Variants in CCDC171 observed in about 807,000 individuals in gnomAD.
The protein encoded by CCDC171 is coiled-coil domain-containing protein 171.
In CCDC171, 177 loss-of-function variants were observed where a neutral mutation model predicts 168.2. The ratio of observed to expected loss-of-function variants is 1.05; its 90% CI spans 0.93 to 1.19. The LOEUF is 1.19. CCDC171 is among the 50% of genes most tolerant of loss of function. CCDC171 has a pLI of 0.00. For missense variants in CCDC171, 1,991 were observed against 1,539.0 expected (o/e 1.29, Z -4.91); for synonymous variants, 687 against 540.8 (o/e 1.27, Z -3.75).
At chr9:16,020,913 G>T (rs1199288391) in intron 4 of CCDC171, 2 of 152,220 alleles carry the variant, frequency 1.3e-5, no homozygotes, top group Non-Finnish European at 2.9e-5. Context: ...CTAAGAGGAG[G>T]CTACTGGAAA....
At position 15,571,726 on chromosome 9, in the gene CCDC171, A is replaced by G. The variant is rs1428174797; in HGVS notation, c.144A>G (p.Glu48=). ...AGAAACTCCATTGGGCTAAAAAAGA[A>G]AAGTTAGAAATAACAACCAAACACA... ...LRKKLHWAKK[E]KLEITTKHNA... is the part of the protein sequence containing the mutation. The change falls in exon 3 of 26, where the codon GAA becomes GAG. Residue 48 remains glutamate (E), a synonymous_variant. Coordinates refer to ENST00000380701, the MANE Select transcript of CCDC171 (RefSeq NM_173550.4). 1.3e-6 allele frequency: 2 copies of G among 1,591,276 alleles called. No individual in the cohort carries two copies. Among genetic ancestry groups the G allele is most frequent in the African/African-American group, 1.4e-5 (1 of 73,494 alleles).
chr9:15,780,588 A>G (rs1049524357), intron 20 of CCDC171, among the ~76,000 whole-genome samples: 1 of 152,072 alleles, frequency 6.6e-6, no homozygotes, highest in African/African-American at 2.4e-5. Flanking sequence ...CCCAAAACCA[A>G]TCACTGTTGA....
At chr9:15,669,620 T>TA (rs1418146851) in intron 9 of CCDC171, among the ~76,000 whole-genome samples, 1 of 152,140 alleles carries the variant, frequency 6.6e-6, no homozygotes, top group Non-Finnish European at 1.5e-5. Context: ...AATTTTCAAA[T>TA]ATAGTAAAGT....
intron 21 of CCDC171, among the ~76,000 whole-genome samples, chr9:15,800,582 T>G (rs1447151389): frequency 6.6e-6 from 1 of 152,092 alleles, no homozygotes; most frequent in Non-Finnish European, 1.5e-5. Flanking sequence ...CTTTGTTGAT[T>G]GTTTCTTTTG....
chr9:15,889,798 G>T (rs1321936746), intron 24 of CCDC171, among the ~76,000 whole-genome samples: 1 of 152,088 alleles, frequency 6.6e-6, no homozygotes, highest in Non-Finnish European at 1.5e-5. Context: ...CAGATTTTTT[G>T]AAGGATCTGG....
chr9:15,609,185 C>T (rs934031560), intron 6 of CCDC171, among the ~76,000 whole-genome samples: 45 of 151,516 alleles, frequency 3.0e-4, no homozygotes, highest in Admixed American at 7.9e-4. Flanking sequence ...CTGCAACCTC[C>T]GCCTCCCGGG....
intron 7 of CCDC171, among the ~76,000 whole-genome samples, chr9:15,638,925 G>T (rs1340911806): frequency 6.6e-6 from 1 of 151,866 alleles, no homozygotes; most frequent in African/African-American, 2.4e-5. Flanking sequence ...AACTCAATAA[G>T]AAAAGAGAAA....
chr9:15,847,204 G>A (rs955639709), intron 22 of CCDC171, among the ~76,000 whole-genome samples: 3 of 151,788 alleles, frequency 2.0e-5, no homozygotes, highest in Non-Finnish European at 2.9e-5. Flanking sequence ...CTGCTCCACT[G>A]TCTCCGAAAT....
intron 25 of CCDC171, chr9:15,922,105 C>T: frequency 2.9e-6 from 1 of 350,326 alleles, no homozygotes; most frequent in South Asian, 2.3e-5. Context: ...TTGAACATAT[C>T]TACAGGATAC....
intron 11 of CCDC171, among the ~76,000 whole-genome samples, chr9:15,699,858 C>A (rs2051559183): frequency 6.6e-6 from 1 of 152,176 alleles, no homozygotes; most frequent in African/African-American, 2.4e-5. Flanking sequence ...ACACAGGGTG[C>A]TGATTGGTGT....
At chr9:15,804,379 G>C (rs2058976659) in intron 21 of CCDC171, among the ~76,000 whole-genome samples, 1 of 151,634 alleles carries the variant, frequency 6.6e-6, no homozygotes, top group Non-Finnish European at 1.5e-5. Flanking sequence ...TATCATATAT[G>C]GTTCTCATTA....
intron 3 of CCDC171, among the ~76,000 whole-genome samples, chr9:16,015,890 T>C (rs1833001160): frequency 6.6e-6 from 1 of 152,244 alleles, no homozygotes; most frequent in South Asian, 2.1e-4. Context: ...ATGTCTGGCT[T>C]ATTTCACTTA....
At chr9:15,774,539 C>T (rs758724487) in intron 18 of CCDC171, among the ~76,000 whole-genome samples, 3 of 152,144 alleles carry the variant, frequency 2.0e-5, no homozygotes, top group Non-Finnish European at 4.4e-5. Flanking sequence ...CTATGGAAAA[C>T]AGTGTGGAGA....
At chr9:15,670,156 A>G (rs115598470) in intron 9 of CCDC171, among the ~76,000 whole-genome samples, 1,720 of 152,140 alleles carry the variant, frequency 0.011, 35 homozygotes, top group African/African-American at 0.039. Context: ...TTGGGAGTTT[A>G]GCAGCATGGT....
At chr9:16,011,248 C>G (rs1434943125) in intron 3 of CCDC171, among the ~76,000 whole-genome samples, 1 of 152,046 alleles carries the variant, frequency 6.6e-6, no homozygotes, top group African/African-American at 2.4e-5. Flanking sequence ...ACACTGGGCC[C>G]CTGGATGGAT....
At chr9:16,035,405 T>C (rs1833446469) in intron 6 of CCDC171, 2 of 152,142 alleles carry the variant, frequency 1.3e-5, no homozygotes, top group South Asian at 4.1e-4. Flanking sequence ...TTTTGTGGGG[T>C]GTGCTTTCTC....
intron 4 of CCDC171, among the ~76,000 whole-genome samples, chr9:15,590,532 T>C (rs1031909799): frequency 2.0e-5 from 3 of 152,170 alleles, no homozygotes; most frequent in Admixed American, 6.5e-5. Flanking sequence ...TAGGTGTTGG[T>C]TATTGTTGAG....
intron 6 of CCDC171, among the ~76,000 whole-genome samples, chr9:15,595,525 C>T (rs988298810): frequency 2.6e-5 from 4 of 152,170 alleles, no homozygotes; most frequent in African/African-American, 9.6e-5. Context: ...ATATGTGCTG[C>T]ATTTTCTTAA....
rs1281670548 is a variant in CCDC171 at position 15,819,103 on chromosome 9, A to T, written c.3268-27599A>T. Among the ~76,000 whole-genome samples, 25 of 117,098 alleles carry T rather than the reference A, an allele frequency of 2.1e-4. 9 individuals are homozygous for T. The highest frequency in any genetic ancestry group is 5.7e-4 in the Admixed American group (7 of 12,356). The allele number at this position is 117,098 out of a possible 152,430, so 76.8% of individuals were successfully genotyped here. On this transcript the variant is annotated intron_variant, in intron 21 of 25. Transcript: ENST00000380701. ...ATATCCAGCCAAACTAAGCTTCATA[A>T]GTGAAGGAGAAATAAAATCCTTTAC... is the stretch of plus-strand genomic sequence containing the variant.
Sources: gnomAD v4.1 joint callset for allele counts (sites outside exome capture counted in the v4.1 genomes callset) on GRCh38, gnomAD v4.1.1 for gene constraint, MANE v1.5 for transcripts, NCBI Gene and HGNC (gene_info 2026-07-23, HGNC 2026-07-21) for gene names.